The following CACNA1C variants were observed in gnomAD, a reference collection of about 807,000 sequenced individuals.
CACNA1C encodes voltage-dependent L-type calcium channel subunit alpha-1C.
A neutral mutation model predicts 229.0 loss-of-function variants in CACNA1C; 30 were observed. That is an observed-to-expected ratio of 0.13 (90% CI 0.10 to 0.18). The LOEUF (loss-of-function observed/expected upper bound fraction) is 0.18. Among genes scored for constraint, CACNA1C ranks in the 10% least tolerant of loss-of-function variants. The pLI, the probability that CACNA1C is intolerant of heterozygous loss-of-function variation, is 1.00. For missense variants in CACNA1C, 1,658 were observed against 2,845.0 expected (o/e 0.58, Z 9.49); for synonymous variants, 1,114 against 1,132.5 (o/e 0.98, Z 0.33).
chr12:2,007,556 T>G (rs551908421), intron 1 of CACNA1C, among the ~76,000 whole-genome samples: 1 of 152,374 alleles, frequency 6.6e-6, no homozygotes, highest in Non-Finnish European at 1.5e-5. Context: ...TTCTCCAGTC[T>G]TTGATCTCAC....
Position 2,404,900 on chromosome 12 carries a change from C to G in CACNA1C, c.478-44076C>G, listed in dbSNP as rs1048141079. On this transcript the variant is annotated intron_variant, in intron 3 of 46. Transcript: ENST00000399655. ...GGGATTATCAGGAAGGATCCACGTACATGTTTCTGACTTCTTCTCAAATTG... is the reference window on the plus strand; with the variant it reads ...GGGATTATCAGGAAGGATCCACGTAGATGTTTCTGACTTCTTCTCAAATTG... Among the ~76,000 whole-genome samples the G allele has an allele frequency of 2.6e-5, 4 of 152,162 alleles. No individual in the cohort carries two copies. In the East Asian group the frequency reaches 7.7e-4, roughly 29 times the overall value.
chr12:2,624,574 G>T (rs535047942), intron 29 of CACNA1C, among the ~76,000 whole-genome samples: 1 of 152,208 alleles, frequency 6.6e-6, no homozygotes, highest in Non-Finnish European at 1.5e-5. Flanking sequence ...TTCAAAAATC[G>T]TACGGAAACC....
chr12:2,564,373 T>C (rs1280447620), intron 11 of CACNA1C, among the ~76,000 whole-genome samples: 1 of 152,218 alleles, frequency 6.6e-6, no homozygotes, highest in African/African-American at 2.4e-5. Flanking sequence ...TTTAGAGGAA[T>C]GTCTGTCTAG....
In CACNA1C at chr12:2,689,119, C is replaced by T. The variant is rs185167658; in HGVS notation, c.6117+340C>T. Among the ~76,000 whole-genome samples the T allele has an allele frequency of 3.4e-3, 510 of 152,218 alleles. 3 individuals carry two copies. The highest frequency in any genetic ancestry group is 0.014 in the Middle Eastern group (4 of 294). On this transcript the variant is annotated intron_variant, in intron 46 of 46. Coordinates refer to ENST00000399655, the MANE Select transcript of CACNA1C (RefSeq NM_000719.7). This position sits in a 1 kb window ranked among gnomAD's most constrained non-coding sequence, Gnocchi z 4.2. The stretch of plus-strand genomic sequence containing the variant: ...TCCAAGGTGCTCAGGCCTGACTGCC[C>T]GTGAGCATCACCTGGGGAGCTTTGG...
intron 3 of CACNA1C, among the ~76,000 whole-genome samples, chr12:2,385,125 CAAGTTGT>C (rs1292427902): frequency 1.3e-5 from 2 of 152,192 alleles, no homozygotes; most frequent in Admixed American, 1.3e-4. Context: ...ATACCCATAA[CAAGTTGT>C]AATTTGAGTC....
At chr12:2,635,593 C>T (rs1043838855) in intron 30 of CACNA1C, among the ~76,000 whole-genome samples, 1 of 151,692 alleles carries the variant, frequency 6.6e-6, no homozygotes, top group Non-Finnish European at 1.5e-5. Flanking sequence ...GTTACACTGC[C>T]GTGTTATCTT....
chr12:2,610,251 A>G (rs936780274), intron 27 of CACNA1C, among the ~76,000 whole-genome samples: 4 of 152,198 alleles, frequency 2.6e-5, no homozygotes, highest in South Asian at 4.1e-4. Flanking sequence ...CATGCCAGGC[A>G]TCACCAGGGT....
intron 3 of CACNA1C, among the ~76,000 whole-genome samples, chr12:2,211,017 A>G (rs2097903639): frequency 6.6e-6 from 1 of 152,250 alleles, no homozygotes; most frequent in African/African-American, 2.4e-5. Context: ...TTTAGCAGAA[A>G]GGAACATAAA....
At chr12:2,044,429 T>G (rs1486727831) in intron 1 of CACNA1C, among the ~76,000 whole-genome samples, 1 of 151,340 alleles carries the variant, frequency 6.6e-6, no homozygotes, top group Non-Finnish European at 1.5e-5. Context: ...CTAGATGTAT[T>G]ATGGAGCAAT....
At position 2,346,079 on chromosome 12, in the gene CACNA1C, C is replaced by T. The variant is rs1268159545; in HGVS notation, c.478-102897C>T. The stretch of plus-strand genomic sequence containing the variant: ...CTGAAGATGCACAGCCTCTGTGTTC[C>T]ATTTAGAACCGCTGAAGCTCCCCAG... On this transcript the variant is annotated intron_variant, in intron 3 of 46. Transcript: ENST00000399655. The surrounding 1 kb of genome is among the most constrained non-coding windows in gnomAD (Gnocchi z 4.4). 6.6e-6 allele frequency among the ~76,000 whole-genome samples: 1 copy of T among 152,168 alleles called. No individual in the cohort carries two copies. Among genetic ancestry groups the T allele is most frequent in the Non-Finnish European group, 1.5e-5 (1 of 68,026 alleles).
intron 1 of CACNA1C, among the ~76,000 whole-genome samples, chr12:2,088,579 G>T (rs143184268): frequency 2.2e-4 from 33 of 152,288 alleles, no homozygotes; most frequent in African/African-American, 5.8e-4. Flanking sequence ...ACAGGGTCTG[G>T]CCCACAGGGA....
At chr12:2,014,627 C>T (rs2045026673) in intron 1 of CACNA1C, among the ~76,000 whole-genome samples, 1 of 152,182 alleles carries the variant, frequency 6.6e-6, no homozygotes, top group Admixed American at 6.5e-5. Context: ...GGGAGCATGG[C>T]AGAGGCCCAA....
chr12:2,323,041 T>C (rs1430389885), intron 3 of CACNA1C, among the ~76,000 whole-genome samples: 2 of 152,156 alleles, frequency 1.3e-5, no homozygotes, highest in Non-Finnish European at 2.9e-5. Context: ...TCCATTTACC[T>C]GCCTGTTCTC....
chr12:2,486,014 TC>T lies in CACNA1C; in HGVS notation c.758-88del. The T allele has an allele frequency of 9.1e-7, 1 of 1,096,536 alleles. No homozygotes were observed. The highest frequency in any genetic ancestry group is 1.3e-6 in the Non-Finnish European group (1 of 784,326). The allele number at this position is 1,096,536 out of a possible 1,614,324, so 67.9% of individuals were successfully genotyped here. On this transcript the variant is annotated intron_variant, in intron 5 of 46. Coordinates refer to ENST00000399655, the MANE Select transcript of CACNA1C (RefSeq NM_000719.7). This position sits in a 1 kb window ranked among gnomAD's most constrained non-coding sequence, Gnocchi z 4.9. ...CTAAACAACAGGGCTGGCAGTTCCT[TC>T]CTTGCAGAGTTGCTGGAAGATTGCA...
chr12:2,117,617 C>T (rs1030996133), intron 2 of CACNA1C, among the ~76,000 whole-genome samples: 1 of 152,260 alleles, frequency 6.6e-6, no homozygotes, highest in African/African-American at 2.4e-5. Flanking sequence ...GAAGTCCATG[C>T]CCATCCCACA....
intron 1 of CACNA1C, among the ~76,000 whole-genome samples, chr12:2,104,328 TTG>T (rs1288631062): frequency 5.3e-5 from 8 of 152,184 alleles, no homozygotes; most frequent in African/African-American, 1.9e-4. Flanking sequence ...TTTATTCTCT[TTG>T]TTGCAGTTGT....
At chr12:2,431,000 C>T (rs1035448578) in intron 3 of CACNA1C, among the ~76,000 whole-genome samples, 31 of 152,234 alleles carry the variant, frequency 2.0e-4, no homozygotes, top group African/African-American at 7.2e-4. Flanking sequence ...CCGCTCTGCA[C>T]TTCCTGCCCT....
At chr12:2,299,753 T>G (rs2094407534) in intron 3 of CACNA1C, among the ~76,000 whole-genome samples, 1 of 151,974 alleles carries the variant, frequency 6.6e-6, no homozygotes, top group South Asian at 2.1e-4. Flanking sequence ...AGTGAAGATT[T>G]TACATTTTCC....
chr12:2,503,258 G>A (rs1598302476), intron 7 of CACNA1C, among the ~76,000 whole-genome samples: 1 of 152,262 alleles, frequency 6.6e-6, no homozygotes, highest in East Asian at 1.9e-4. Context: ...GAAGCTGTTC[G>A]TCCGTGGGCC....
Sources: allele counts gnomAD v4.1 joint callset (sites outside exome capture counted in the v4.1 genomes callset), GRCh38; gene constraint gnomAD v4.1.1; non-coding constraint Gnocchi (gnomAD v3.1); transcripts MANE v1.5; gene names NCBI Gene and HGNC (gene_info 2026-07-23, HGNC 2026-07-21).